EYS: variants seen among roughly 807,000 people sequenced by gnomAD.
The protein encoded by EYS is protein eyes shut homolog.
A neutral mutation model predicts 282.1 loss-of-function variants in EYS; 250 were observed. That is an observed-to-expected ratio of 0.89 (90% CI 0.80 to 0.98). The LOEUF (loss-of-function observed/expected upper bound fraction) is 0.98, where lower values mean the gene tolerates loss of function less well. Ranked by LOEUF, EYS falls within the 50% of genes least tolerant of loss-of-function variation. The pLI is 0.00. For missense variants in EYS, 4,016 were observed against 3,709.0 expected (o/e 1.08, Z -2.15); for synonymous variants, 1,355 against 1,282.9 (o/e 1.06, Z -1.20).
intron 31 of EYS, among the ~76,000 whole-genome samples, chr6:64,214,392 T>C (rs532122234): frequency 1.2e-3 from 186 of 152,224 alleles, no homozygotes; most frequent in African/African-American, 4.3e-3. Flanking sequence ...GTGCTAAAAA[T>C]GTGTGAAAAA....
chr6:64,547,081 G>C (rs1196330612), intron 26 of EYS, among the ~76,000 whole-genome samples: 2 of 152,196 alleles, frequency 1.3e-5, no homozygotes, highest in African/African-American at 4.8e-5. Context: ...TGGTGGGTTT[G>C]TGGTCTTGCT....
chr6:64,680,986 A>C (rs755418349), intron 22 of EYS, among the ~76,000 whole-genome samples: 1 of 152,218 alleles, frequency 6.6e-6, no homozygotes, highest in Non-Finnish European at 1.5e-5. Flanking sequence ...TGGTATATAT[A>C]GCAGAGCAAC....
intron 29 of EYS, among the ~76,000 whole-genome samples, chr6:64,359,565 CCATAGACTGGG>C (rs1771937331): frequency 6.6e-6 from 1 of 151,670 alleles, no homozygotes; most frequent in African/African-American, 2.4e-5. Flanking sequence ...TAACAAAGGG[CCATAGACTGGG>C]TGGCTTCAAC....
rs116996175 is a variant in EYS, at chr6:65,661,900, C to T, written c.-447-22008G>A. On this transcript the variant is annotated intron_variant, in intron 1 of 42. Transcript: ENST00000503581. ...AACTTTGAATTCCTACTTATATGTA[C>T]AGGATCTTTCTGTGTCAGTTTTGAA... Among the ~76,000 whole-genome samples, 34 of 152,106 alleles carry T rather than the reference C, an allele frequency of 2.2e-4. No individual in the cohort carries two copies. In the East Asian group the frequency reaches 6.2e-3, roughly 28 times the overall value.
At chr6:64,939,134 C>T (rs1400863453) in intron 15 of EYS, among the ~76,000 whole-genome samples, 6 of 151,738 alleles carry the variant, frequency 4.0e-5, no homozygotes, top group Non-Finnish European at 8.8e-5. Context: ...AGTGACTGCT[C>T]TTTTCTCTTT....
In EYS at chr6:64,905,538, C is replaced by T. The variant is rs566671887; in HGVS notation, c.2642-3038G>A. ...TGTGTATGGCTATAACAAATACACA[C>T]GAATGGTCAGTAAATGATATTTTTA... On this transcript the variant is annotated intron_variant, in intron 16 of 42. Coordinates refer to ENST00000503581, the MANE Select transcript of EYS (RefSeq NM_001142800.2). Among the ~76,000 whole-genome samples the T allele has an allele frequency of 5.3e-5, 8 of 152,224 alleles. No homozygotes were observed. In the East Asian group the frequency reaches 7.7e-4, roughly 15 times the overall value.
chr6:64,070,555 G>T (rs1771537046), intron 32 of EYS, among the ~76,000 whole-genome samples: 1 of 151,970 alleles, frequency 6.6e-6, no homozygotes, highest in Admixed American at 6.6e-5. Flanking sequence ...CTGCCAAATA[G>T]TCATGTCTGA....
At chr6:63,937,961 G>A (rs1038786175) in intron 35 of EYS, among the ~76,000 whole-genome samples, 7 of 152,280 alleles carry the variant, frequency 4.6e-5, no homozygotes, top group Admixed American at 3.3e-4. Flanking sequence ...TGAGAAGAGC[G>A]TGCACTGACT....
At chr6:64,572,343 G>A (rs953835639) in intron 26 of EYS, among the ~76,000 whole-genome samples, 5 of 152,146 alleles carry the variant, frequency 3.3e-5, no homozygotes, top group South Asian at 2.1e-4. Context: ...AAAGCTGGAC[G>A]CATTCCCTTT....
chr6:64,479,691 C>T (rs960733574), intron 26 of EYS, among the ~76,000 whole-genome samples: 1 of 151,926 alleles, frequency 6.6e-6, no homozygotes. Context: ...GATTAAACTA[C>T]TTCTCAACAC....
At chr6:64,165,693 C>G (rs950222948) in intron 31 of EYS, among the ~76,000 whole-genome samples, 1 of 152,104 alleles carries the variant, frequency 6.6e-6, no homozygotes, top group African/African-American at 2.4e-5. Context: ...TTTAACAGGT[C>G]GTTTAATGCT....
chr6:65,040,882 T>A (rs752908750), intron 13 of EYS, among the ~76,000 whole-genome samples: 11 of 151,704 alleles, frequency 7.3e-5, no homozygotes, highest in South Asian at 2.1e-4. Context: ...CACAGCTCAA[T>A]CTCTGGCCAC....
rs375455964 is a variant in EYS, at chr6:65,096,810, A to T, written c.2024-39083T>A. On this transcript the variant is annotated intron_variant, in intron 12 of 42. Transcript: ENST00000503581. ...GGATATTTACATGCAAAATAATGAA[A>T]TTGGACCCTTATCTTACACCCTACA... Among the ~76,000 whole-genome samples, 43 of 151,150 alleles carry T rather than the reference A, an allele frequency of 2.8e-4. No individual in the cohort carries two copies. In the East Asian group the frequency reaches 4.1e-3, roughly 14 times the overall value.
intron 8 of EYS, among the ~76,000 whole-genome samples, chr6:65,369,879 C>T (rs1008884513): frequency 6.6e-6 from 1 of 151,618 alleles, no homozygotes; most frequent in African/African-American, 2.4e-5. Context: ...CTAACTATTC[C>T]TTTTCAAAGA....
chr6:64,406,234 G>A (rs557056199), intron 28 of EYS, among the ~76,000 whole-genome samples: 53 of 152,238 alleles, frequency 3.5e-4, no homozygotes, highest in African/African-American at 1.2e-3. Context: ...TTTAATAAAT[G>A]GTATTGGGAA....
At position 64,163,425 on chromosome 6, in the gene EYS, G is replaced by T. The variant is rs576675354; in HGVS notation, c.6424+67167C>A. ...CTAAAATGAAAGATGAATACTCTTT[G>T]CAATATTCTGACATTTTGTCACACC... On this transcript the variant is annotated intron_variant, in intron 31 of 42. Transcript: ENST00000503581. Among the ~76,000 whole-genome samples, 57 of 152,056 alleles carry T rather than the reference G, an allele frequency of 3.7e-4. 1 individual carries two copies. Among genetic ancestry groups the T allele is most frequent in the Middle Eastern group, 6.8e-3 (2 of 294 alleles).
At chr6:63,724,525 T>G (rs1441880682) in intron 42 of EYS, among the ~76,000 whole-genome samples, 1 of 152,166 alleles carries the variant, frequency 6.6e-6, no homozygotes, top group Non-Finnish European at 1.5e-5. Context: ...TCAGATGAAT[T>G]CAGGCTTTGA....
intron 30 of EYS, among the ~76,000 whole-genome samples, chr6:64,272,177 C>T (rs982371124): frequency 3.3e-5 from 5 of 152,310 alleles, no homozygotes; most frequent in African/African-American, 1.2e-4. Context: ...TGTCTTTGCA[C>T]ATGAGGTGGG....
intron 35 of EYS, among the ~76,000 whole-genome samples, chr6:63,911,469 C>A (rs1361137440): frequency 6.6e-6 from 1 of 152,212 alleles, no homozygotes; most frequent in African/African-American, 2.4e-5. Flanking sequence ...CAGATTGGTT[C>A]TGTATTCAGA....
Sources: allele counts gnomAD v4.1 joint callset (sites outside exome capture counted in the v4.1 genomes callset), GRCh38; gene constraint gnomAD v4.1.1; transcripts MANE v1.5; gene names NCBI Gene and HGNC (gene_info 2026-07-23, HGNC 2026-07-21).